Variants in DGAT2 observed in about 807,000 individuals in gnomAD.
DGAT2 encodes diacylglycerol O-acyltransferase 2, also known as acyl-CoA retinol O-fatty-acyltransferase.
DGAT2 carries 33 observed loss-of-function variants against 48.4 expected under a neutral mutation model. The observed-to-expected ratio is 0.68, with a 90% CI of 0.52 to 0.91. The LOEUF (loss-of-function observed/expected upper bound fraction) is 0.91, where lower values mean the gene tolerates loss of function less well. Ranked by LOEUF, DGAT2 falls within the 40% of genes least tolerant of loss-of-function variation. DGAT2 has a pLI of 0.00. For synonymous variants in DGAT2, 191 were observed against 194.1 expected, an observed-to-expected ratio of 0.98 and a Z score of 0.13; for missense variants, 446 against 493.7, an observed-to-expected ratio of 0.90 and a Z score of 0.92.
intron 1 of DGAT2, among the ~76,000 whole-genome samples, chr11:75,773,099 A>G (rs935252782): frequency 1.3e-5 from 2 of 152,260 alleles, no homozygotes; most frequent in African/African-American, 4.8e-5. Flanking sequence ...TGGCACTGGT[A>G]ATAGGTACTT....
At chr11:75,798,547 C>A in intron 7 of DGAT2, 118 bp downstream of exon 7, 1 of 1,158,894 alleles carries the variant, frequency 8.6e-7, no homozygotes. Context: ...ATGCCCTTAG[C>A]CATGAGGACT....
chr11:75,777,659 C>A (rs867516350), intron 1 of DGAT2, among the ~76,000 whole-genome samples: 95 of 152,284 alleles, frequency 6.2e-4, no homozygotes, highest in African/African-American at 2.2e-3. Context: ...CTCTCGGCCC[C>A]TGTTTTCGGC....
chr11:75,796,066 T>C (rs1389211033), intron 4 of DGAT2: 2 of 467,762 alleles, frequency 4.3e-6, no homozygotes, highest in Admixed American at 3.7e-5. Flanking sequence ...AGAGCTGCTG[T>C]GTGCATGGCT....
intron 2 of DGAT2, among the ~76,000 whole-genome samples, chr11:75,787,875 C>A (rs1944938356): frequency 6.6e-6 from 1 of 152,102 alleles, no homozygotes. Flanking sequence ...GGGCTGTGGA[C>A]ACATAGGGGA....
Position 75,801,163 on chromosome 11 carries a change from G to A in DGAT2, c.*655G>A, listed in dbSNP as rs1223957182. On this transcript the variant is annotated 3_prime_UTR_variant, in exon 8 of 8. Transcript: ENST00000228027. ...GCCCCCCATGCACCATTGCAGGGAG[G>A]ATGCCGCCACCATGAGCTAGGTGGA... The A allele has an allele frequency of 6.5e-6, 1 of 152,996 alleles. No individual in the cohort carries two copies. The highest frequency in any genetic ancestry group is 1.9e-4 in the East Asian group (1 of 5,202). 9.5% of individuals were successfully genotyped at this position (152,996 alleles called of 1,614,324 possible).
chr11:75,800,110 C>T (rs1318473348), intron 7 of DGAT2, among the ~76,000 whole-genome samples: 1 of 152,216 alleles, frequency 6.6e-6, no homozygotes, highest in Non-Finnish European at 1.5e-5. Context: ...GCAGTGGGTT[C>T]AACCAGTCTT....
At chr11:75,775,088 T>G (rs1050645185) in intron 1 of DGAT2, among the ~76,000 whole-genome samples, 1 of 152,242 alleles carries the variant, frequency 6.6e-6, no homozygotes, top group African/African-American at 2.4e-5. Flanking sequence ...GAGGATGGGC[T>G]TATATTCCCT....
chr11:75,791,268 C>T (rs1054600924), intron 4 of DGAT2, among the ~76,000 whole-genome samples: 39 of 152,298 alleles, frequency 2.6e-4, no homozygotes, highest in African/African-American at 9.1e-4. Flanking sequence ...TGACTGAGAT[C>T]CTGGTGTGTT....
rs756719566 is a variant in DGAT2 at position 75,784,730 on chromosome 11, G to T, written c.234G>T (p.Leu78=). ...LQVISVLQWV[L]SFLVLGVACS... is the part of the protein sequence containing the mutation. The stretch of plus-strand genomic sequence containing the variant: ...TCATCTCAGTGCTCCAGTGGGTCCT[G>T]TCCTTCCTTGTACTGGGTAAGCTGG... The change falls in exon 2 of 8, where the codon CTG becomes CTT. Residue 78 remains leucine, a synonymous_variant. Coordinates refer to ENST00000228027, the MANE Select transcript of DGAT2 (RefSeq NM_032564.5). The T allele has an allele frequency of 6.2e-7, 1 of 1,614,068 alleles. No homozygotes were observed. Among genetic ancestry groups the T allele is most frequent in the South Asian group, 1.1e-5 (1 of 91,078 alleles).
rs781699415 is a variant in DGAT2, at chr11:75,790,703, G to A, written c.401G>A (p.Arg134His). 55 of 1,614,016 alleles carry A rather than the reference G, an allele frequency of 3.4e-5. No individual in the cohort carries two copies. Among genetic ancestry groups the A allele is most frequent in the South Asian group, 1.4e-4 (13 of 91,090 alleles). ...SQWVRNWAVWRYFRDYFPIQL... is the reference protein window; with the variant it reads ...SQWVRNWAVWHYFRDYFPIQL... ...TGGGTCCGAAACTGGGCTGTGTGGC[G>A]CTACTTTCGAGACTACTTTCCCATC... Residue 134 changes from arginine to histidine, a missense_variant, in exon 4 of 8, where the codon CGC becomes CAC. Physicochemically the swap from Arg to His is conservative, Grantham distance 29. Transcript: ENST00000228027.
At position 75,781,045 on chromosome 11, in the gene DGAT2, G is replaced by A. The variant is rs150746511; in HGVS notation, c.122-3573G>A. ...TTCGGGCAGCTTCCAGTGTGATGGA[G>A]AATCAGCTTGTAATCAGCAGTTAGA... On this transcript the variant is annotated intron_variant, in intron 1 of 7. Coordinates refer to ENST00000228027, the MANE Select transcript of DGAT2 (RefSeq NM_032564.5). Among the ~76,000 whole-genome samples, 998 of 152,354 alleles carry A rather than the reference G, an allele frequency of 6.6e-3. 16 individuals are homozygous for A. Among genetic ancestry groups the A allele is most frequent in the African/African-American group, 0.021 (873 of 41,580 alleles).
chr11:75,785,911 G>A (rs966021067), intron 2 of DGAT2, among the ~76,000 whole-genome samples: 14 of 152,212 alleles, frequency 9.2e-5, no homozygotes, highest in Non-Finnish European at 2.1e-4. Flanking sequence ...AAATGGCAGA[G>A]TTGGGATTTT....
chr11:75,780,565 T>G (rs987937129), intron 1 of DGAT2, among the ~76,000 whole-genome samples: 2 of 152,158 alleles, frequency 1.3e-5, no homozygotes, highest in Admixed American at 1.3e-4. Flanking sequence ...CTGCTGCCAC[T>G]CTACCTGCTG....
intron 7 of DGAT2, among the ~76,000 whole-genome samples, chr11:75,798,748 G>A (rs974825426): frequency 4.6e-5 from 7 of 152,158 alleles, no homozygotes; most frequent in Non-Finnish European, 7.4e-5. Flanking sequence ...ATGAGGATGC[G>A]CAGGTGCTCT....
At chr11:75,790,354 C>A in intron 3 of DGAT2, 59 bp downstream of exon 3, 1 of 1,389,740 alleles carries the variant, frequency 7.2e-7, no homozygotes, top group Non-Finnish European at 1.0e-6. Context: ...TCCCCCTGCA[C>A]AAGCTGAAGG....
Position 75,800,417 on chromosome 11 carries a change from AC to A in DGAT2, c.1077del (p.His359GlnfsTer9), listed in dbSNP as rs1243638761. On this transcript the variant is annotated frameshift_variant, in exon 8 of 8. Transcript: ENST00000228027. LOFTEE classifies it high-confidence loss of function. ...HPTQQDIDLY[H>X]TMYMEALVKL... ...ACCCAGCAAGACATCGACCTGTACC[AC>A]ACCATGTACATGGAGGCCCTGGTGA... 1.9e-6 allele frequency: 3 copies of A among 1,614,148 alleles called. No homozygotes were observed. In the South Asian group the frequency reaches 3.3e-5, roughly 18 times the overall value.
At chr11:75,788,862 G>A (rs1265253750) in intron 2 of DGAT2, among the ~76,000 whole-genome samples, 2 of 152,230 alleles carry the variant, frequency 1.3e-5, no homozygotes, top group African/African-American at 4.8e-5. Flanking sequence ...CCCACCCAGT[G>A]TGGGAAATTC....
At chr11:75,779,426 A>G (rs1325954812) in intron 1 of DGAT2, among the ~76,000 whole-genome samples, 1 of 152,162 alleles carries the variant, frequency 6.6e-6, no homozygotes, top group Non-Finnish European at 1.5e-5. Context: ...GACCTCAAGC[A>G]AGTGATTTTG....
At position 75,798,236 on chromosome 11, in the gene DGAT2, G is replaced by A. The variant is rs1487734251; in HGVS notation, c.819G>A (p.Leu273=). The A allele has an allele frequency of 6.2e-7, 1 of 1,614,180 alleles. No homozygotes were observed. The highest frequency in any genetic ancestry group is 8.5e-7 in the Non-Finnish European group (1 of 1,180,018). ...VKLALRHGAD[L]VPIYSFGENE... ...GGCCTCTCCCTTCCAGAGCTGACCTGGTTCCCATCTACTCCTTTGGAGAGA... is the reference window on the plus strand; with the variant it reads ...GGCCTCTCCCTTCCAGAGCTGACCTAGTTCCCATCTACTCCTTTGGAGAGA... The change falls in exon 7 of 8, where the codon CTG becomes CTA. Residue 273 remains leucine (L), a synonymous_variant. Transcript: ENST00000228027.
Sources: allele counts gnomAD v4.1 joint callset (sites outside exome capture counted in the v4.1 genomes callset), GRCh38; gene constraint gnomAD v4.1.1; transcripts MANE v1.5; gene names NCBI Gene and HGNC (gene_info 2026-07-23, HGNC 2026-07-21).